Variants in ARB2A observed in about 807,000 individuals in gnomAD.
The protein encoded by ARB2A is cotranscriptional regulator ARB2A.
At chr5:93,793,474 A>T in the ARB2A span, among the ~76,000 whole-genome samples, 1 of 151,860 alleles carries the variant, frequency 6.6e-6, no homozygotes, top group African/African-American at 2.4e-5. Flanking sequence ...TTATAAAACC[A>T]GTAAGGATTT....
chr5:93,747,762 G>C, the ARB2A span, among the ~76,000 whole-genome samples: 1 of 152,038 alleles, frequency 6.6e-6, no homozygotes, highest in Non-Finnish European at 1.5e-5. Context: ...GAAAACATCA[G>C]GCAGATGAAG....
At chr5:93,955,521 G>C in the ARB2A span, among the ~76,000 whole-genome samples, 1 of 152,166 alleles carries the variant, frequency 6.6e-6, no homozygotes, top group African/African-American at 2.4e-5. Flanking sequence ...TGAGAAATTA[G>C]GGAAAACGCT....
the ARB2A span, among the ~76,000 whole-genome samples, chr5:94,051,458 A>C: frequency 6.6e-6 from 1 of 152,206 alleles, no homozygotes; most frequent in Non-Finnish European, 1.5e-5. Flanking sequence ...ACACAAAGCA[A>C]AGATCTTTAC....
the ARB2A span, among the ~76,000 whole-genome samples, chr5:93,629,981 T>C: frequency 1.3e-5 from 2 of 152,178 alleles, no homozygotes; most frequent in African/African-American, 4.8e-5. Context: ...ATATGCGTTA[T>C]TGAGTCCCAT....
chr5:93,660,368 T>C, the ARB2A span, among the ~76,000 whole-genome samples: 2 of 152,148 alleles, frequency 1.3e-5, no homozygotes, highest in South Asian at 2.1e-4. Flanking sequence ...ATAAGTCCTC[T>C]AACTTTAGAA....
chr5:93,914,830 C>T, the ARB2A span, among the ~76,000 whole-genome samples: 7 of 151,788 alleles, frequency 4.6e-5, no homozygotes, highest in Non-Finnish European at 1.0e-4. Context: ...CAGAAGAACT[C>T]GTGAAAATCT....
the ARB2A span, among the ~76,000 whole-genome samples, chr5:94,078,178 C>T: frequency 6.6e-6 from 1 of 152,158 alleles, no homozygotes; most frequent in African/African-American, 2.4e-5. Flanking sequence ...CCCTTTTCAT[C>T]TCACATTCTG....
At chr5:93,622,482 A>G in the ARB2A span, among the ~76,000 whole-genome samples, 5 of 152,222 alleles carry the variant, frequency 3.3e-5, no homozygotes, top group Non-Finnish European at 5.9e-5. Context: ...ATCACAATCT[A>G]GGAGTTACAA....
At chr5:93,745,176 T>C in the ARB2A span, among the ~76,000 whole-genome samples, 3 of 152,192 alleles carry the variant, frequency 2.0e-5, no homozygotes, top group Non-Finnish European at 4.4e-5. Flanking sequence ...CAGGAAACAG[T>C]GAACACAGAG....
At chr5:93,866,287 T>C in the ARB2A span, 14 of 982,060 alleles carry the variant, frequency 1.4e-5, no homozygotes, top group African/African-American at 1.2e-4. Flanking sequence ...AATTCAGATA[T>C]AATGCACCAA....
At chr5:93,698,948 T>C in the ARB2A span, among the ~76,000 whole-genome samples, 1 of 152,184 alleles carries the variant, frequency 6.6e-6, no homozygotes, top group African/African-American at 2.4e-5. Flanking sequence ...TTACAGGAGA[T>C]AGAATTTCAG....
the ARB2A span, among the ~76,000 whole-genome samples, chr5:93,927,216 C>T: frequency 2.6e-5 from 4 of 152,054 alleles, no homozygotes; most frequent in African/African-American, 9.7e-5. Flanking sequence ...TATTTTAAAG[C>T]GTGCCTGGTG....
the ARB2A span, among the ~76,000 whole-genome samples, chr5:94,085,357 A>T: frequency 3.3e-5 from 5 of 152,358 alleles, no homozygotes; most frequent in African/African-American, 1.2e-4. Context: ...GGAAGTTCTC[A>T]ATCAAGTTCA....
At chr5:93,806,921 A>T in the ARB2A span, among the ~76,000 whole-genome samples, 2 of 152,082 alleles carry the variant, frequency 1.3e-5, no homozygotes, top group East Asian at 3.9e-4. Flanking sequence ...AGTAGGTGTT[A>T]CTAAATATGC....
the ARB2A span, among the ~76,000 whole-genome samples, chr5:93,770,380 C>T: frequency 6.6e-6 from 1 of 152,098 alleles, no homozygotes; most frequent in Non-Finnish European, 1.5e-5. Flanking sequence ...GGAAGCATTC[C>T]CTTTGAAAAC....
the ARB2A span, chr5:93,881,301 T>C: frequency 2.0e-6 from 1 of 507,332 alleles, no homozygotes; most frequent in South Asian, 3.1e-5. Flanking sequence ...AATGATGCGT[T>C]TTGTAATTCT....
the ARB2A span, among the ~76,000 whole-genome samples, chr5:93,815,871 C>A: frequency 3.3e-5 from 5 of 152,214 alleles, no homozygotes; most frequent in Non-Finnish European, 5.9e-5. Context: ...GCTTACCATA[C>A]TCTGATATAA....
the ARB2A span, among the ~76,000 whole-genome samples, chr5:93,879,733 G>A: frequency 6.6e-6 from 1 of 151,806 alleles, no homozygotes; most frequent in Non-Finnish European, 1.5e-5. Context: ...TAAACTTACG[G>A]GACAGATGTC....
chr5:94,044,225 T>C, the ARB2A span, among the ~76,000 whole-genome samples: 2 of 152,222 alleles, frequency 1.3e-5, no homozygotes, highest in Non-Finnish European at 2.9e-5. Flanking sequence ...TGGAACACAT[T>C]CTAACTTAGT....
Sources: allele counts gnomAD v4.1 joint callset (sites outside exome capture counted in the v4.1 genomes callset), GRCh38; gene constraint gnomAD v4.1.1; transcripts MANE v1.5; gene names NCBI Gene and HGNC (gene_info 2026-07-23, HGNC 2026-07-21).